The following CADPS2 variants were observed in gnomAD, a reference collection of about 807,000 sequenced individuals.
The protein encoded by CADPS2 is calcium-dependent secretion activator 2.
Under a neutral mutation model 172.5 loss-of-function variants are expected in CADPS2, and 93 were observed. That is an observed-to-expected ratio of 0.54 (90% CI 0.46 to 0.64). The LOEUF (loss-of-function observed/expected upper bound fraction) is 0.64, where lower values mean the gene tolerates loss of function less well. CADPS2 is among the 30% of genes least tolerant of loss of function. The probability of loss-of-function intolerance (pLI) is 0.00; values close to 1 mark genes in which losing one functional copy is unlikely to be tolerated. For synonymous variants in CADPS2, 546 were observed against 555.2 expected (o/e 0.98, Z 0.23); for missense variants, 1,420 against 1,565.9 (o/e 0.91, Z 1.57).
At chr7:122,412,610 C>A (rs906767459) in intron 19 of CADPS2, among the ~76,000 whole-genome samples, 2 of 152,190 alleles carry the variant, frequency 1.3e-5, no homozygotes, top group African/African-American at 4.8e-5. Flanking sequence ...TACCAAATTA[C>A]TGCCAAACAA....
chr7:122,750,047 A>C (rs1421786429), intron 1 of CADPS2, among the ~76,000 whole-genome samples: 1 of 152,034 alleles, frequency 6.6e-6, no homozygotes, highest in Non-Finnish European at 1.5e-5. Context: ...ATCAGTTACA[A>C]AGCTATCATT....
intron 29 of CADPS2, among the ~76,000 whole-genome samples, chr7:122,323,494 AG>A (rs562478458): frequency 1.3e-5 from 2 of 152,138 alleles, no homozygotes; most frequent in African/African-American, 2.4e-5. Flanking sequence ...GCAAATTTCA[AG>A]TATACATTAA....
chr7:122,712,115 T>A (rs556766940), intron 2 of CADPS2, among the ~76,000 whole-genome samples: 2 of 152,166 alleles, frequency 1.3e-5, no homozygotes. Context: ...TTCTATAATA[T>A]CTTGTGATAT....
At chr7:122,511,937 T>C (rs924886476) in intron 9 of CADPS2, among the ~76,000 whole-genome samples, 2 of 152,094 alleles carry the variant, frequency 1.3e-5, no homozygotes, top group Admixed American at 6.6e-5. Flanking sequence ...TTTTGAAAAA[T>C]AGATGACCCA....
chr7:122,530,782 C>T (rs982689239), intron 8 of CADPS2, among the ~76,000 whole-genome samples: 5 of 152,112 alleles, frequency 3.3e-5, no homozygotes, highest in South Asian at 2.1e-4. Context: ...CAATGGCTTC[C>T]AGCTACCATA....
intron 8 of CADPS2, among the ~76,000 whole-genome samples, chr7:122,547,395 C>A (rs1287092751): frequency 1.3e-5 from 2 of 152,112 alleles, no homozygotes; most frequent in Non-Finnish European, 2.9e-5. Context: ...TGTTTTGAAA[C>A]ACACTCCAAC....
intron 20 of CADPS2, among the ~76,000 whole-genome samples, chr7:122,405,471 TG>T (rs973450748): frequency 1.8e-4 from 27 of 152,270 alleles, no homozygotes; most frequent in Admixed American, 1.8e-3. Context: ...GAGACCAGTC[TG>T]GTGAACATGG....
Position 122,652,807 on chromosome 7 carries a change from ATTC to A in CADPS2, c.786+10427_786+10429del, listed in dbSNP as rs533693487. Among the ~76,000 whole-genome samples the A allele has an allele frequency of 2.7e-3, 410 of 152,194 alleles. 1 individual carries two copies. Among genetic ancestry groups the A allele is most frequent in the African/African-American group, 8.8e-3 (367 of 41,538 alleles). ...TCTAGGTGCTACTTACATTGTTTTT[ATTC>A]TTTTTTATGTTTTCTTGATAACAAT... On this transcript the variant is annotated intron_variant, in intron 3 of 29. Transcript: ENST00000449022.
chr7:122,705,854 ATAT>A lies in CADPS2; in HGVS notation c.453+31098_453+31100del, dbSNP rs1409150187. On this transcript the variant is annotated intron_variant, in intron 2 of 29. Transcript: ENST00000449022. ...TTATATATAATATATATTATATAAC[ATAT>A]TATACATATTATATATAATATAATA... 2.0e-4 allele frequency among the ~76,000 whole-genome samples: 2 copies of A among 10,066 alleles called. 1 individual carries two copies. Among genetic ancestry groups the A allele is most frequent in the Admixed American group, 6.3e-3 (2 of 320 alleles). The allele number at this position is 10,066 out of a possible 152,430, so 6.6% of individuals were successfully genotyped here. A position where few individuals can be genotyped will look rare whatever the true frequency, so the allele number is the denominator to read the frequency against.
At chr7:122,488,835 T>C (rs888184307) in intron 11 of CADPS2, among the ~76,000 whole-genome samples, 2 of 152,206 alleles carry the variant, frequency 1.3e-5, no homozygotes, top group African/African-American at 4.8e-5. Flanking sequence ...ATTTAAGATA[T>C]GTTCAATTGT....
intron 8 of CADPS2, among the ~76,000 whole-genome samples, chr7:122,520,307 T>C (rs919944870): frequency 3.3e-5 from 5 of 152,040 alleles, no homozygotes; most frequent in African/African-American, 1.2e-4. Flanking sequence ...TATTTTAAAA[T>C]GCTTGTCTTT....
chr7:122,504,359 G>T (rs1314049295), intron 9 of CADPS2, among the ~76,000 whole-genome samples: 2 of 151,700 alleles, frequency 1.3e-5, no homozygotes, highest in East Asian at 3.9e-4. Flanking sequence ...AGTCTTAGAA[G>T]AATTGTTTCA....
intron 8 of CADPS2, among the ~76,000 whole-genome samples, chr7:122,531,266 A>C (rs867217082): frequency 5.3e-5 from 8 of 152,232 alleles, no homozygotes; most frequent in African/African-American, 1.9e-4. Flanking sequence ...AATGGAAGAG[A>C]AAGAAGAAGA....
intron 14 of CADPS2, among the ~76,000 whole-genome samples, chr7:122,457,193 G>A (rs182114037): frequency 3.2e-4 from 48 of 152,198 alleles, no homozygotes; most frequent in Non-Finnish European, 6.0e-4. Flanking sequence ...AGAGAAAAAG[G>A]GTACAAAACT....
At chr7:122,420,220 G>T (rs2048382355) in intron 17 of CADPS2, among the ~76,000 whole-genome samples, 1 of 152,078 alleles carries the variant, frequency 6.6e-6, no homozygotes, top group Admixed American at 6.6e-5. Context: ...CACATCTTTA[G>T]CCACAAGTAT....
intron 20 of CADPS2, among the ~76,000 whole-genome samples, chr7:122,403,188 AT>A (rs953068062): frequency 4.6e-4 from 70 of 152,206 alleles, no homozygotes; most frequent in African/African-American, 1.6e-3. Flanking sequence ...TGGAAGAATT[AT>A]GTTTTATCAG....
At chr7:122,610,999 A>C (rs2074226725) in intron 6 of CADPS2, among the ~76,000 whole-genome samples, 1 of 152,142 alleles carries the variant, frequency 6.6e-6, no homozygotes, top group African/African-American at 2.4e-5. Flanking sequence ...TATTTTGCTG[A>C]TCAAAGGCAC....
rs538616804 is a variant in CADPS2, at chr7:122,709,188, C to A, written c.453+27767G>T. Among the ~76,000 whole-genome samples the A allele has an allele frequency of 2.6e-5, 4 of 152,158 alleles. No individual in the cohort carries two copies. In the South Asian group the frequency reaches 8.3e-4, roughly 32 times the overall value. On this transcript the variant is annotated intron_variant, in intron 2 of 29. Transcript: ENST00000449022. ...GTTCTGCAGGCTGCTTCTGGGACTC[C>A]ATCATTTCAAGATTGTCCTAAAGCT...
intron 1 of CADPS2, among the ~76,000 whole-genome samples, chr7:122,754,534 T>C (rs745652548): frequency 1.3e-5 from 2 of 152,216 alleles, no homozygotes; most frequent in Non-Finnish European, 2.9e-5. Flanking sequence ...TGGGGTACAA[T>C]AGCACAATCT....
Sources: gnomAD v4.1 joint callset for allele counts (sites outside exome capture counted in the v4.1 genomes callset) on GRCh38, gnomAD v4.1.1 for gene constraint, MANE v1.5 for transcripts, NCBI Gene and HGNC (gene_info 2026-07-23, HGNC 2026-07-21) for gene names.